The following SRGAP3 variants were observed in gnomAD, a reference collection of about 807,000 sequenced individuals.
The protein encoded by SRGAP3 is SLIT-ROBO Rho GTPase activating protein 3, also known as SLIT-ROBO Rho GTPase-activating protein 3.
Under a neutral mutation model 121.1 loss-of-function variants are expected in SRGAP3, and 39 were observed. The observed-to-expected ratio is 0.32, with a 90% CI of 0.25 to 0.42. The LOEUF (loss-of-function observed/expected upper bound fraction) is 0.42, where lower values mean the gene tolerates loss of function less well. SRGAP3 is among the 10% of genes least tolerant of loss of function. The pLI, the probability that SRGAP3 is intolerant of heterozygous loss-of-function variation, is 1.00. For missense variants in SRGAP3, 1,213 were observed against 1,470.6 expected (o/e 0.82, Z 2.86); for synonymous variants, 601 against 570.0 (o/e 1.05, Z -0.77).
rs768484344 is a variant in SRGAP3, at chr3:9,010,349, A to C, written c.2186T>G (p.Val729Gly). The C allele has an allele frequency of 6.2e-7, 1 of 1,613,948 alleles. No individual in the cohort carries two copies. The highest frequency in any genetic ancestry group is 1.3e-5 in the African/African-American group (1 of 74,858). The change falls in exon 18 of 22, where the codon GTT becomes GGT. Residue 729 changes from valine (V) to glycine (G), a missense_variant. Around this residue, in one of 2 missense-constraint regions of SRGAP3, gnomAD observed 793 missense variants for 1,032.9 expected, o/e 0.77. Transcript: ENST00000383836. Reference protein sequence around the residue: ...PHSEPGAIDEVDHDNGTEPHT... With the variant: ...PHSEPGAIDEGDHDNGTEPHT... ...AGGCTCAGTGCCATTGTCATGGTCA[A>C]CTTCATCGATGGCCCCTGGCTCGCT...
intron 1 of SRGAP3, among the ~76,000 whole-genome samples, chr3:9,128,526 C>T (rs2124997619): frequency 6.6e-6 from 1 of 152,272 alleles, no homozygotes; most frequent in South Asian, 2.1e-4. Flanking sequence ...GTTCAGGTAA[C>T]TTTGATGGAT....
intron 17 of SRGAP3, among the ~76,000 whole-genome samples, chr3:9,011,067 G>C (rs926974555): frequency 3.3e-5 from 5 of 152,010 alleles, no homozygotes; most frequent in African/African-American, 1.2e-4. Context: ...GCCATTGAGT[G>C]AGTTCTAATA....
intron 6 of SRGAP3, chr3:9,059,678 C>T (rs975688713): frequency 3.0e-5 from 6 of 202,624 alleles, no homozygotes; most frequent in Non-Finnish European, 5.1e-5. Context: ...TCCTGCACAG[C>T]GGGTACTCGG....
chr3:9,114,751 G>A (rs1948744964), intron 2 of SRGAP3, among the ~76,000 whole-genome samples: 1 of 152,228 alleles, frequency 6.6e-6, no homozygotes, highest in Non-Finnish European at 1.5e-5. Flanking sequence ...CAGAATGGGT[G>A]GCACCGTGTG....
chr3:9,326,788 G>A (rs1297592070), intron 2 of SRGAP3, among the ~76,000 whole-genome samples: 1 of 151,618 alleles, frequency 6.6e-6, no homozygotes, highest in East Asian at 1.9e-4. Context: ...AAATACCAAA[G>A]GTTTAAAACA....
At chr3:9,309,711 C>T (rs73124629) in intron 3 of SRGAP3, among the ~76,000 whole-genome samples, 11,654 of 152,116 alleles carry the variant, frequency 0.077, 854 homozygotes, top group African/African-American at 0.18. Context: ...ATTTGAAAAT[C>T]AGACAGATGT....
chr3:9,012,192 T>C (rs536291830), intron 17 of SRGAP3, among the ~76,000 whole-genome samples: 1 of 152,314 alleles, frequency 6.6e-6, no homozygotes, highest in South Asian at 2.1e-4. Context: ...CTGGAACACC[T>C]TCCTTCTTTG....
Position 9,276,311 on chromosome 3 carries a change from C to T in SRGAP3, n.442+49699G>A, listed in dbSNP as rs538977518. Among the ~76,000 whole-genome samples the T allele has an allele frequency of 4.6e-5, 7 of 152,264 alleles. No individual in the cohort carries two copies. In the South Asian group the frequency reaches 1.2e-3, roughly 27 times the overall value. ...CTAAGGGGTCCCCTAGTTAGCTTTTCCTGTTCCTGTGAGTCTTTAATTCCT... is the reference window on the plus strand; with the variant it reads ...CTAAGGGGTCCCCTAGTTAGCTTTTTCTGTTCCTGTGAGTCTTTAATTCCT... On this transcript the variant is annotated intron_variant and non_coding_transcript_variant, in intron 3 of 3. Transcript: ENST00000490889.
At chr3:9,057,665 A>C (rs890112470) in intron 7 of SRGAP3, among the ~76,000 whole-genome samples, 4 of 152,256 alleles carry the variant, frequency 2.6e-5, no homozygotes, top group African/African-American at 9.6e-5. Context: ...GCAGTGACAC[A>C]GACAAGCTCA....
intron 1 of SRGAP3, among the ~76,000 whole-genome samples, chr3:9,172,868 C>A (rs570195425): frequency 1.2e-4 from 19 of 152,296 alleles, no homozygotes; most frequent in Non-Finnish European, 1.9e-4. Flanking sequence ...GGCCCTGGTG[C>A]GGGGCCATTG....
At chr3:9,272,848 G>T (rs1232655515) in intron 3 of SRGAP3, among the ~76,000 whole-genome samples, 1 of 151,754 alleles carries the variant, frequency 6.6e-6, no homozygotes, top group African/African-American at 2.4e-5. Context: ...CACAGTAGCT[G>T]CTCCATTTTA....
At chr3:9,147,334 G>A (rs1462667791) in intron 1 of SRGAP3, among the ~76,000 whole-genome samples, 1 of 152,178 alleles carries the variant, frequency 6.6e-6, no homozygotes, top group Non-Finnish European at 1.5e-5. Context: ...GTAGGCTCAA[G>A]GGTTGATCAT....
intron 9 of SRGAP3, among the ~76,000 whole-genome samples, chr3:9,049,674 C>A (rs550452250): frequency 6.6e-6 from 1 of 152,148 alleles, no homozygotes; most frequent in East Asian, 1.9e-4. Flanking sequence ...TAGAATAACT[C>A]GAGTCTAACC....
intron 3 of SRGAP3, among the ~76,000 whole-genome samples, chr3:9,101,710 C>G (rs1948222998): frequency 6.6e-6 from 1 of 152,162 alleles, no homozygotes; most frequent in African/African-American, 2.4e-5. Flanking sequence ...ATGCCCGAAG[C>G]CAGGCTTATA....
intron 3 of SRGAP3, among the ~76,000 whole-genome samples, chr3:9,258,038 A>G (rs1297359382): frequency 6.6e-6 from 1 of 152,190 alleles, no homozygotes; most frequent in Non-Finnish European, 1.5e-5. Flanking sequence ...GATATAGTCT[A>G]GGCATTGAGA....
rs193053450 is a variant in SRGAP3, at chr3:8,994,314, T to A, written c.2408+29A>T. On this transcript the variant is annotated intron_variant, in intron 19 of 21. Transcript: ENST00000383836. ...CAGACATCACTAATCTATTTCGGCA[T>A]TCTTCACAGAATTCTCGACTCCACT... 50 of 1,613,220 alleles carry A rather than the reference T, an allele frequency of 3.1e-5. No homozygotes were observed. In the African/African-American group the frequency reaches 6.7e-4, roughly 21 times the overall value.
intron 1 of SRGAP3, among the ~76,000 whole-genome samples, chr3:9,345,785 C>CA (rs34225108): frequency 0.19 from 12,375 of 64,920 alleles, 1,118 homozygotes; most frequent in African/African-American, 0.32. Flanking sequence ...GACTCCAACT[C>CA]AAAAAAAAAA....
At position 9,037,959 on chromosome 3, in the gene SRGAP3, A is replaced by G. The variant is rs575210877; in HGVS notation, c.1436+104T>C. 2.0e-6 allele frequency: 3 copies of G among 1,494,134 alleles called. No homozygotes were observed. The African/African-American group carries it at 4.2e-5, about 21-fold the overall frequency. The allele number at this position is 1,494,134 out of a possible 1,614,324, so 92.6% of individuals were successfully genotyped here. ...CACCGGCCCTTGGGGACATTGGTGA[A>G]GAAGCCATCCCTGCTTCTCCAGCTC... On this transcript the variant is annotated intron_variant, in intron 11 of 21. Coordinates refer to ENST00000383836, the MANE Select transcript of SRGAP3 (RefSeq NM_014850.4).
At chr3:8,988,078 A>C (rs1941827063) in intron 21 of SRGAP3, among the ~76,000 whole-genome samples, 1 of 151,974 alleles carries the variant, frequency 6.6e-6, no homozygotes. Context: ...GAGAAAGATC[A>C]GCTGAGTTGT....
Sources: allele counts gnomAD v4.1 joint callset (sites outside exome capture counted in the v4.1 genomes callset), GRCh38; gene constraint gnomAD v4.1.1; regional missense constraint gnomAD v4.1.1; transcripts MANE v1.5; gene names NCBI Gene and HGNC (gene_info 2026-07-23, HGNC 2026-07-21).